Variants in CYP2C19 observed in about 807,000 individuals in gnomAD.
CYP2C19 encodes cytochrome P450 2C19.
Under a neutral mutation model 40.9 loss-of-function variants are expected in CYP2C19, and 59 were observed. The ratio of observed to expected loss-of-function variants is 1.44; its 90% CI spans 1.17 to 1.79. CYP2C19 has a LOEUF of 1.79. Ranked by LOEUF, CYP2C19 falls within the 40% of genes most tolerant of loss-of-function variation. CYP2C19 has a pLI of 0.00. For missense variants in CYP2C19, 754 were observed against 596.9 expected (o/e 1.26, Z -2.74); for synonymous variants, 253 against 208.7 (o/e 1.21, Z -1.83).
At chr10:94,793,932 T>G (rs111853758) in intron 5 of CYP2C19, among the ~76,000 whole-genome samples, 11,094 of 152,196 alleles carry the variant, frequency 0.073, 469 homozygotes, top group South Asian at 0.12. Flanking sequence ...TGCTGCCTTT[T>G]GTTCAGCTAT....
chr10:94,812,434 G>T (rs1277361488), intron 5 of CYP2C19, among the ~76,000 whole-genome samples: 2 of 151,874 alleles, frequency 1.3e-5, no homozygotes, highest in Non-Finnish European at 2.9e-5. Flanking sequence ...TTGCTAGATT[G>T]TGGAAGTTCT....
chr10:94,810,048 T>G (rs1848890796), intron 5 of CYP2C19, among the ~76,000 whole-genome samples: 1 of 152,098 alleles, frequency 6.6e-6, no homozygotes, highest in Non-Finnish European at 1.5e-5. Flanking sequence ...GCCTGGCTAA[T>G]TTTTTGTATC....
At chr10:94,839,839 T>C (rs1849465063) in intron 6 of CYP2C19, among the ~76,000 whole-genome samples, 1 of 152,244 alleles carries the variant, frequency 6.6e-6, no homozygotes, top group East Asian at 1.9e-4. Flanking sequence ...CTGGTCGGAC[T>C]GTTGTATGGT....
chr10:94,798,293 G>T (rs1848716085), intron 5 of CYP2C19, among the ~76,000 whole-genome samples: 1 of 152,102 alleles, frequency 6.6e-6, no homozygotes, highest in African/African-American at 2.4e-5. Context: ...CCAAGGGGTT[G>T]TGTGGTTTTG....
At chr10:94,842,479 T>C (rs1038766719) in intron 6 of CYP2C19, among the ~76,000 whole-genome samples, 5 of 151,338 alleles carry the variant, frequency 3.3e-5, no homozygotes, top group East Asian at 3.9e-4. Context: ...GAAATTTTAG[T>C]CCATTTACAT....
At chr10:94,829,691 C>T (rs1487092369) in intron 6 of CYP2C19, among the ~76,000 whole-genome samples, 1 of 152,066 alleles carries the variant, frequency 6.6e-6, no homozygotes, top group Non-Finnish European at 1.5e-5. Flanking sequence ...TGTTCCGTTG[C>T]TGGTGAGGAA....
At chr10:94,770,321 G>C (rs535269639) in intron 1 of CYP2C19, among the ~76,000 whole-genome samples, 1 of 152,136 alleles carries the variant, frequency 6.6e-6, no homozygotes, top group African/African-American at 2.4e-5. Flanking sequence ...GGGGTGGCTT[G>C]TTTCTCATTG....
chr10:94,792,400 T>A (rs554726932), intron 5 of CYP2C19, among the ~76,000 whole-genome samples: 1 of 152,276 alleles, frequency 6.6e-6, no homozygotes, highest in East Asian at 1.9e-4. Flanking sequence ...GTCATTATGA[T>A]GTTAGCTGGT....
At chr10:94,839,942 C>T (rs1215800270) in intron 6 of CYP2C19, among the ~76,000 whole-genome samples, 2 of 152,118 alleles carry the variant, frequency 1.3e-5, no homozygotes, top group Admixed American at 1.3e-4. Flanking sequence ...CTTATAGCCC[C>T]ATACGTTAAG....
chr10:94,774,302 G>A (rs1483556103), intron 1 of CYP2C19: 1 of 152,140 alleles, frequency 6.6e-6, no homozygotes, highest in Non-Finnish European at 1.5e-5. Context: ...GTGACATGTG[G>A]CTTATGGAGG....
intron 6 of CYP2C19, among the ~76,000 whole-genome samples, chr10:94,836,566 G>A (rs1849406866): frequency 6.6e-6 from 1 of 152,178 alleles, no homozygotes; most frequent in Non-Finnish European, 1.5e-5. Context: ...ATAATGGTCT[G>A]TCTATTTCAC....
At chr10:94,782,058 G>A (rs1215228405) in intron 5 of CYP2C19, 61 bp downstream of exon 5, 1 of 1,406,228 alleles carries the variant, frequency 7.1e-7, no homozygotes. Flanking sequence ...TCATTGACTA[G>A]TTTTGTGTTT....
At chr10:94,830,329 C>A (rs76898372) in intron 6 of CYP2C19, among the ~76,000 whole-genome samples, 2,034 of 152,224 alleles carry the variant, frequency 0.013, 9 homozygotes, top group Admixed American at 0.019. Context: ...TAGGACCCTC[C>A]GAGCCAGGTG....
intron 5 of CYP2C19, among the ~76,000 whole-genome samples, chr10:94,791,470 T>G (rs927009634): frequency 6.6e-5 from 10 of 152,152 alleles, no homozygotes; most frequent in Non-Finnish European, 1.2e-4. Context: ...GGTGTCAAAT[T>G]TAGACCTTTC....
chr10:94,839,692 C>T (rs1277048310), intron 6 of CYP2C19, among the ~76,000 whole-genome samples: 1 of 152,130 alleles, frequency 6.6e-6, no homozygotes, highest in African/African-American at 2.4e-5. Flanking sequence ...TTGAGGAGAC[C>T]AATTATTAGG....
chr10:94,790,300 A>G (rs1848589513), intron 5 of CYP2C19, among the ~76,000 whole-genome samples: 1 of 152,146 alleles, frequency 6.6e-6, no homozygotes, highest in African/African-American at 2.4e-5. Context: ...AACAGGAACA[A>G]TTTGACTTCC....
intron 1 of CYP2C19, among the ~76,000 whole-genome samples, chr10:94,768,538 G>A (rs1304920853): frequency 6.6e-6 from 1 of 152,162 alleles, no homozygotes; most frequent in Non-Finnish European, 1.5e-5. Context: ...AGTAGCACCT[G>A]ATATCTAAGT....
chr10:94,794,409 T>C lies in CYP2C19; in HGVS notation c.819+12412T>C, dbSNP rs534540572. Reference sequence around the variant, plus strand: ...ATGAACCCAGTGCCTCAGTTGGAAATGCAGAAATCACCCATCTTCTACATT... The same window carrying C: ...ATGAACCCAGTGCCTCAGTTGGAAACGCAGAAATCACCCATCTTCTACATT... On this transcript the variant is annotated intron_variant, in intron 5 of 8. Transcript: ENST00000371321. 4.6e-5 allele frequency among the ~76,000 whole-genome samples: 7 copies of C among 152,278 alleles called. No individual in the cohort carries two copies. The East Asian group carries it at 1.2e-3, about 25-fold the overall frequency.
At chr10:94,812,669 C>G (rs1418450050) in intron 5 of CYP2C19, among the ~76,000 whole-genome samples, 1 of 152,046 alleles carries the variant, frequency 6.6e-6, no homozygotes, top group Non-Finnish European at 1.5e-5. Context: ...ATCAATTTGG[C>G]TATTGATATT....
Sources: allele counts gnomAD v4.1 joint callset (sites outside exome capture counted in the v4.1 genomes callset), GRCh38; gene constraint gnomAD v4.1.1; transcripts MANE v1.5; gene names NCBI Gene and HGNC (gene_info 2026-07-23, HGNC 2026-07-21).